Variants in GPR160 observed in about 807,000 individuals in gnomAD.
The protein encoded by GPR160 is G protein-coupled receptor 160.
GPR160 carries 2 observed loss-of-function variants against 2.6 expected under a neutral mutation model. That is an observed-to-expected ratio of 0.77 (90% CI 0.32 to 2.44). The LOEUF (loss-of-function observed/expected upper bound fraction) is 2.44. Ranked by LOEUF, GPR160 falls within the 30% of genes most tolerant of loss-of-function variation. GPR160 has a pLI of 0.11. For missense variants in GPR160, 351 were observed against 383.6 expected, an observed-to-expected ratio of 0.91 and a Z score of 0.71; for synonymous variants, 130 against 132.2, an observed-to-expected ratio of 0.98 and a Z score of 0.12.
chr3:170,042,420 C>CA (rs34452268), intron 2 of GPR160, among the ~76,000 whole-genome samples: 25,058 of 103,742 alleles, frequency 0.24, 3,395 homozygotes, highest in African/African-American at 0.43. Context: ...GATACTGCCT[C>CA]AAAAAAAAAA....
chr3:170,057,230 AGCAGGCTCAAGCT>A (rs1711692475), intron 2 of GPR160: 1 of 152,222 alleles, frequency 6.6e-6, no homozygotes, highest in Non-Finnish European at 1.5e-5. Context: ...CAAAGGGGTA[AGCAGGCTCAAGCT>A]GCAGGCCTCT....
At chr3:170,078,571 C>G (rs1430381831) in intron 2 of GPR160, among the ~76,000 whole-genome samples, 1 of 152,184 alleles carries the variant, frequency 6.6e-6, no homozygotes, top group Non-Finnish European at 1.5e-5. Flanking sequence ...AATGGAGCCG[C>G]TAGCCCGTTT....
intron 2 of GPR160, among the ~76,000 whole-genome samples, chr3:170,072,067 CTTTTTTTTTT>C (rs1202875086): frequency 1.2e-5 from 1 of 85,966 alleles, no homozygotes; most frequent in Non-Finnish European, 2.1e-5. Flanking sequence ...TGTATACAAG[CTTTTTTTTTT>C]TTTTTTTTTT....
At chr3:170,047,765 A>T (rs1036458722) in intron 2 of GPR160, among the ~76,000 whole-genome samples, 1 of 152,136 alleles carries the variant, frequency 6.6e-6, no homozygotes, top group Non-Finnish European at 1.5e-5. Context: ...ACCATGGAAT[A>T]CTGCTCAGCT....
chr3:170,067,559 C>A (rs1712402672), intron 2 of GPR160, among the ~76,000 whole-genome samples: 1 of 152,100 alleles, frequency 6.6e-6, no homozygotes, highest in Admixed American at 6.6e-5. Context: ...AGCCTGACCC[C>A]CATTCCCATG....
At chr3:170,062,431 A>C (rs1576901281) in intron 2 of GPR160, 1 of 480,236 alleles carries the variant, frequency 2.1e-6, no homozygotes, top group East Asian at 4.5e-5. Context: ...AATGTGTTCC[A>C]GCCTTCAGGA....
At chr3:170,045,447 A>AAAAAAAAAAAAAAAAAAAAAAAAC (rs71176546) in intron 2 of GPR160, among the ~76,000 whole-genome samples, 1 of 117,352 alleles carries the variant, frequency 8.5e-6, no homozygotes, top group Non-Finnish European at 1.7e-5. Context: ...AAAAAAAAAA[A>AAAAAAAAAAAAAAAAAAAAAAAAC]CCAATTAGCC....
intron 2 of GPR160, among the ~76,000 whole-genome samples, chr3:170,044,246 C>T (rs1024975678): frequency 1.5e-5 from 2 of 132,536 alleles, no homozygotes; most frequent in Admixed American, 1.9e-4. Context: ...ATCACTTGAA[C>T]TCAGGGGGCG....
In GPR160 at chr3:170,085,198, T is replaced by G. The variant is rs1713370917; in HGVS notation, c.*209T>G. 3 of 362,530 alleles carry G rather than the reference T, an allele frequency of 8.3e-6. No homozygotes were observed. The highest frequency in any genetic ancestry group is 4.5e-5 in the Admixed American group (1 of 22,190). The allele number at this position is 362,530 out of a possible 1,614,324, so 22.5% of individuals were successfully genotyped here. A position where few individuals can be genotyped will look rare whatever the true frequency, so the allele number is the denominator to read the frequency against. On this transcript the variant is annotated 3_prime_UTR_variant, in exon 4 of 4. Coordinates refer to ENST00000355897, the MANE Select transcript of GPR160 (RefSeq NM_014373.3). Reference sequence around the variant, plus strand: ...AATAATTCCAAGAAGTTTTTATAGTTATTCAGGGACACTATATTACAAATA... The same window carrying G: ...AATAATTCCAAGAAGTTTTTATAGTGATTCAGGGACACTATATTACAAATA...
chr3:170,053,095 A>G (rs935922921), intron 2 of GPR160, among the ~76,000 whole-genome samples: 2 of 152,208 alleles, frequency 1.3e-5, no homozygotes, highest in Non-Finnish European at 2.9e-5. Context: ...AAGTCGTCCA[A>G]CTTTGTTATT....
At chr3:170,065,309 T>C (rs1401551325) in intron 2 of GPR160, among the ~76,000 whole-genome samples, 1 of 152,244 alleles carries the variant, frequency 6.6e-6, no homozygotes, top group East Asian at 1.9e-4. Flanking sequence ...TCTTCTCTTT[T>C]GTGTAAATCT....
rs1043775044 is a variant in GPR160, at chr3:170,070,268, G to A, written c.-192-9506G>A. On this transcript the variant is annotated intron_variant, in intron 2 of 3. Transcript: ENST00000355897. The stretch of plus-strand genomic sequence containing the variant: ...TGAAGTAACAAATTGTAATCCTATA[G>A]AGCATACCACCATGTGGATTTTCTT... 2.0e-5 allele frequency among the ~76,000 whole-genome samples: 3 copies of A among 152,118 alleles called. No individual in the cohort carries two copies. The South Asian group carries it at 6.2e-4, about 31-fold the overall frequency.
At chr3:170,053,548 T>A (rs2108317896) in intron 2 of GPR160, among the ~76,000 whole-genome samples, 1 of 152,290 alleles carries the variant, frequency 6.6e-6, no homozygotes, top group East Asian at 1.9e-4. Context: ...CTACAAATAG[T>A]TTTATCTTAT....
At chr3:170,042,788 T>C (rs1269982410) in intron 2 of GPR160, among the ~76,000 whole-genome samples, 3 of 147,370 alleles carry the variant, frequency 2.0e-5, no homozygotes, top group Non-Finnish European at 4.5e-5. Flanking sequence ...GTTTGCACCA[T>C]TGCACACCAG....
chr3:170,068,548 A>G (rs1186313576), intron 2 of GPR160, among the ~76,000 whole-genome samples: 2 of 152,162 alleles, frequency 1.3e-5, no homozygotes, highest in African/African-American at 4.8e-5. Flanking sequence ...TTGGTCCTCC[A>G]TGTTTCTTAA....
intron 2 of GPR160, among the ~76,000 whole-genome samples, chr3:170,042,473 C>A (rs760754687): frequency 3.4e-5 from 5 of 147,068 alleles, no homozygotes; most frequent in Non-Finnish European, 6.0e-5. Context: ...CTTTAAATCA[C>A]ATCTTTAGGG....
At chr3:170,042,884 C>CTT (rs200374138) in intron 2 of GPR160, among the ~76,000 whole-genome samples, 1 of 124,252 alleles carries the variant, frequency 8.0e-6, no homozygotes, top group Admixed American at 8.7e-5. Flanking sequence ...TCTTCACACA[C>CTT]TTTTTTTTTT....
chr3:170,080,866 A>C (rs1713091074), intron 3 of GPR160, among the ~76,000 whole-genome samples: 1 of 152,084 alleles, frequency 6.6e-6, no homozygotes, highest in Middle Eastern at 3.4e-3. Flanking sequence ...ACACCCGAGT[A>C]ATTTTTGTAT....
intron 2 of GPR160, among the ~76,000 whole-genome samples, chr3:170,064,535 T>TTTTTTC (rs1219393634): frequency 0.055 from 6,852 of 124,204 alleles, 179 homozygotes; most frequent in Middle Eastern, 0.089. Flanking sequence ...TTTTTTTTTT[T>TTTTTTC]TGAGGCAGAG....
Sources: gnomAD v4.1 joint callset for allele counts (sites outside exome capture counted in the v4.1 genomes callset) on GRCh38, gnomAD v4.1.1 for gene constraint, MANE v1.5 for transcripts, NCBI Gene and HGNC (gene_info 2026-07-23, HGNC 2026-07-21) for gene names.